Variants in ADGRL2 observed in about 807,000 individuals in gnomAD.
ADGRL2 encodes adhesion G protein-coupled receptor L2, also known as calcium-independent alpha-latrotoxin receptor 2.
A neutral mutation model predicts 157.4 loss-of-function variants in ADGRL2; 44 were observed. The ratio of observed to expected loss-of-function variants is 0.28; its 90% CI spans 0.22 to 0.36. ADGRL2 has a LOEUF of 0.36. ADGRL2 is among the 10% of genes least tolerant of loss of function. ADGRL2 has a pLI of 1.00. For missense variants in ADGRL2, 1,510 were observed against 1,768.9 expected (o/e 0.85, Z 2.63); for synonymous variants, 585 against 624.7 (o/e 0.94, Z 0.95).
chr1:81,873,938 T>C (rs2093763467), intron 2 of ADGRL2, among the ~76,000 whole-genome samples: 1 of 152,136 alleles, frequency 6.6e-6, no homozygotes, highest in African/African-American at 2.4e-5. Context: ...TCTCTAATTA[T>C]ATATGTAGGT....
At chr1:81,925,652 A>G (rs2095087234) in intron 3 of ADGRL2, among the ~76,000 whole-genome samples, 2 of 151,578 alleles carry the variant, frequency 1.3e-5, no homozygotes, top group Non-Finnish European at 2.9e-5. Flanking sequence ...TTTGACAAAG[A>G]TGCGTTTTTT....
intron 2 of ADGRL2, among the ~76,000 whole-genome samples, chr1:81,899,768 A>G (rs935965565): frequency 3.3e-5 from 5 of 152,170 alleles, no homozygotes; most frequent in Non-Finnish European, 7.3e-5. Flanking sequence ...TGGAATGAAT[A>G]TCACAGTAAT....
chr1:81,538,511 A>T (rs1477774540), intron 2 of ADGRL2, among the ~76,000 whole-genome samples: 1 of 152,226 alleles, frequency 6.6e-6, no homozygotes, highest in East Asian at 1.9e-4. Context: ...TTCTGAAATT[A>T]TTCATGGTAG....
In ADGRL2 at chr1:81,443,463, T is replaced by A. The variant is rs537397161; in HGVS notation, c.-301-1573T>A. Among the ~76,000 whole-genome samples the A allele has an allele frequency of 4.0e-5, 6 of 151,448 alleles. No individual in the cohort carries two copies. The East Asian group carries it at 1.2e-3, about 29-fold the overall frequency. On this transcript the variant is annotated intron_variant, in intron 1 of 24. Coordinates refer to the ADGRL2 transcript ENST00000370721. ...AAAAAAAAAAAAAAAGTTCACTGAG[T>A]GATATTTCTCATAGGTAGTCATATC...
chr1:81,782,030 C>G lies in ADGRL2; in HGVS notation c.-101+20178C>G, dbSNP rs138899609. Among the ~76,000 whole-genome samples the G allele has an allele frequency of 4.5e-3, 692 of 152,150 alleles. 7 individuals are homozygous for G. Among genetic ancestry groups the G allele is most frequent in the African/African-American group, 0.014 (583 of 41,514 alleles). On this transcript the variant is annotated intron_variant, in intron 2 of 20. Transcript: ENST00000359929. The stretch of plus-strand genomic sequence containing the variant: ...CTCTGCTTCCAGCTCCCAGTGTTCC[C>G]GTATTTTTGCAGGTTTGTTTTGAAG...
intron 1 of ADGRL2, among the ~76,000 whole-genome samples, chr1:81,405,932 C>T (rs1405007286): frequency 1.3e-5 from 2 of 151,992 alleles, no homozygotes; most frequent in Non-Finnish European, 2.9e-5. Context: ...TAATTTTAGT[C>T]CTCTTGAAAA....
intron 2 of ADGRL2, among the ~76,000 whole-genome samples, chr1:81,872,048 G>A (rs1376526124): frequency 6.6e-6 from 1 of 151,994 alleles, no homozygotes; most frequent in African/African-American, 2.4e-5. Context: ...TTTCTTCTAG[G>A]GTTTTTATGG....
intron 3 of ADGRL2, among the ~76,000 whole-genome samples, chr1:81,611,910 G>A (rs2081549093): frequency 6.6e-6 from 1 of 152,164 alleles, no homozygotes; most frequent in East Asian, 1.9e-4. Context: ...GAGATCTGGT[G>A]GTTTGATAAG....
At chr1:81,808,591 T>C (rs1010426091) in intron 1 of ADGRL2, among the ~76,000 whole-genome samples, 1 of 152,120 alleles carries the variant, frequency 6.6e-6, no homozygotes, top group African/African-American at 2.4e-5. Flanking sequence ...CTTGGATTTA[T>C]TATCAGTTGA....
chr1:81,804,208 G>A (rs2088764529), intron 1 of ADGRL2, among the ~76,000 whole-genome samples: 1 of 152,076 alleles, frequency 6.6e-6, no homozygotes, highest in African/African-American at 2.4e-5. Context: ...GGTGTGTTAT[G>A]GAACGTTTTG....
intron 1 of ADGRL2, among the ~76,000 whole-genome samples, chr1:81,754,935 T>C (rs1163123090): frequency 6.6e-6 from 1 of 151,814 alleles, no homozygotes; most frequent in Non-Finnish European, 1.5e-5. Context: ...GAAACACTAA[T>C]TGCTAGCCAT....
At chr1:81,354,348 T>C (rs952287604) in intron 1 of ADGRL2, among the ~76,000 whole-genome samples, 3 of 152,224 alleles carry the variant, frequency 2.0e-5, no homozygotes, top group Admixed American at 6.5e-5. Flanking sequence ...GAATTCCTAA[T>C]CGGATTCTAA....
chr1:81,309,662 G>A (rs972328496), intron 1 of ADGRL2, among the ~76,000 whole-genome samples: 19 of 152,196 alleles, frequency 1.2e-4, no homozygotes, highest in African/African-American at 4.3e-4. Flanking sequence ...GGTTTTAGAA[G>A]TTGTTTCATT....
rs144460804 is a variant in ADGRL2, at chr1:81,545,076, T to C, written c.-247-35800T>C. On this transcript the variant is annotated intron_variant, in intron 2 of 24. Transcript: ENST00000370721. ...CTGGTCTTCTTACACACTCTGACCA[T>C]AAGAGAACAAAGGGAGAAAGGAGAG... Among the ~76,000 whole-genome samples the C allele has an allele frequency of 3.3e-3, 503 of 152,158 alleles. 4 individuals carry two copies. The highest frequency in any genetic ancestry group is 0.014 in the Middle Eastern group (4 of 294).
intron 2 of ADGRL2, among the ~76,000 whole-genome samples, chr1:81,543,632 A>C (rs2079943805): frequency 6.6e-6 from 1 of 152,142 alleles, no homozygotes; most frequent in African/African-American, 2.4e-5. Context: ...GGTTACTACG[A>C]TAGCCTTCCT....
chr1:81,933,495 T>G (rs1036815556), intron 3 of ADGRL2, among the ~76,000 whole-genome samples: 17 of 152,186 alleles, frequency 1.1e-4, no homozygotes, highest in Admixed American at 1.0e-3. Flanking sequence ...TTTCTTGGCT[T>G]AACTCTACCT....
intron 1 of ADGRL2, among the ~76,000 whole-genome samples, chr1:81,726,466 C>A (rs77195992): frequency 0.07 from 10,628 of 152,204 alleles, 474 homozygotes; most frequent in Non-Finnish European, 0.097. Flanking sequence ...AACTGAGGAA[C>A]TAAAATTTAG....
chr1:81,491,234 A>G (rs1390580746), intron 2 of ADGRL2, among the ~76,000 whole-genome samples: 1 of 152,200 alleles, frequency 6.6e-6, no homozygotes, highest in Non-Finnish European at 1.5e-5. Flanking sequence ...CATTTAAATA[A>G]AGCTCTAAAA....
intron 2 of ADGRL2, among the ~76,000 whole-genome samples, chr1:81,464,688 A>AGTT (rs1326393811): frequency 6.6e-6 from 1 of 152,194 alleles, no homozygotes. Context: ...ACTCCAGAAC[A>AGTT]AGTCTATAAG....
Sources: allele counts gnomAD v4.1 joint callset (sites outside exome capture counted in the v4.1 genomes callset), GRCh38; gene constraint gnomAD v4.1.1; transcripts MANE v1.5; gene names NCBI Gene and HGNC (gene_info 2026-07-23, HGNC 2026-07-21).